Variants in ITGB4 observed in about 807,000 individuals in gnomAD.
ITGB4 encodes integrin subunit beta 4, also known as integrin beta-4.
Under a neutral mutation model 207.6 loss-of-function variants are expected in ITGB4, and 159 were observed. The observed-to-expected ratio is 0.77, with a 90% CI of 0.67 to 0.87. ITGB4 has a LOEUF of 0.87. Ranked by LOEUF, ITGB4 falls within the 40% of genes least tolerant of loss-of-function variation. The pLI is 0.00. For missense variants in ITGB4, 2,278 were observed against 2,546.8 expected (o/e 0.89, Z 2.27); for synonymous variants, 1,020 against 1,062.7 (o/e 0.96, Z 0.78).
chr17:75,745,544 G>T (rs2061214233), intron 26 of ITGB4, among the ~76,000 whole-genome samples: 2 of 151,938 alleles, frequency 1.3e-5, no homozygotes, highest in Non-Finnish European at 2.9e-5. Context: ...GGCCAGCTTG[G>T]GCAACATAGT....
chr17:75,731,226 C>T lies in ITGB4; in HGVS notation c.1093-20C>T. The T allele has an allele frequency of 6.2e-7, 1 of 1,613,198 alleles. No individual in the cohort carries two copies. Among genetic ancestry groups the T allele is most frequent in the Non-Finnish European group, 8.5e-7 (1 of 1,180,020 alleles). On this transcript the variant is annotated intron_variant, in intron 9 of 39. Transcript: ENST00000200181. The surrounding 1 kb of genome is among the most constrained non-coding windows in gnomAD (Gnocchi z 6.8). Reference sequence around the variant, plus strand: ...CAGAGGCCCCCCACAGAGCACTGATCAACCTCCTTCCTCCTTTAGCGGATC... The same window carrying T: ...CAGAGGCCCCCCACAGAGCACTGATTAACCTCCTTCCTCCTTTAGCGGATC...
Position 75,739,752 on chromosome 17 carries a change from T to C in ITGB4, c.2254+47T>C, listed in dbSNP as rs1040049942. 5 of 1,612,844 alleles carry C rather than the reference T, an allele frequency of 3.1e-6. No homozygotes were observed. The African/African-American group carries it at 6.7e-5, about 22-fold the overall frequency. ...GGCAGCAGGGGCTCTGACTGCTCTT[T>C]CTCTGAGCTGGGGTGGAGGGAAGCT... On this transcript the variant is annotated intron_variant, in intron 19 of 39. Transcript: ENST00000200181. This position sits in a 1 kb window ranked among gnomAD's most constrained non-coding sequence, Gnocchi z 5.4.
rs1341000994 is a variant in ITGB4 at position 75,742,708 on chromosome 17, G to A, written c.2909G>A (p.Gly970Asp). 2 of 1,613,668 alleles carry A rather than the reference G, an allele frequency of 1.2e-6. No individual in the cohort carries two copies. The highest frequency in any genetic ancestry group is 1.7e-6 in the Non-Finnish European group (2 of 1,180,024). ...GTGGAGGCCATCGACGTGCCCGCAG[G>A]CACTGCCACCCTCGGCCGCCGCCTG... ...LLVEAIDVPAGTATLGRRLVN... is the reference protein window; with the variant it reads ...LLVEAIDVPADTATLGRRLVN... The change falls in exon 25 of 40, where the codon GGC becomes GAC. Residue 970 changes from glycine to aspartate, a missense_variant. Gly to Asp is a moderately conservative substitution (Grantham distance 94). Transcript: ENST00000200181. This position sits in a 1 kb window ranked among gnomAD's most constrained non-coding sequence, Gnocchi z 5.9.
chr17:75,755,218 T>C, intron 34 of ITGB4: 1 of 1,599,456 alleles, frequency 6.3e-7, no homozygotes, highest in Middle Eastern at 2.2e-4. Context: ...GCCCAGGTAG[T>C]ACAGGGGTGG....
chr17:75,731,502 G>T lies in ITGB4; in HGVS notation c.1215+134G>T, dbSNP rs777157773. On this transcript the variant is annotated intron_variant, in intron 10 of 39. Coordinates refer to ENST00000200181, the MANE Select transcript of ITGB4 (RefSeq NM_000213.5). The surrounding 1 kb of genome is among the most constrained non-coding windows in gnomAD (Gnocchi z 6.8). ...TGGGTGCAGATCCCTGGGCCTAGCC[G>T]CTCGGATGAGCCTAGGTTGCTCCTC... is the stretch of plus-strand genomic sequence containing the variant. The T allele has an allele frequency of 3.2e-6, 3 of 932,662 alleles. No individual in the cohort carries two copies. Among genetic ancestry groups the T allele is most frequent in the Non-Finnish European group, 4.8e-6 (3 of 622,006 alleles). 57.8% of individuals were successfully genotyped at this position (932,662 alleles called of 1,614,324 possible).
Position 75,731,743 on chromosome 17 carries a change from CTT to C in ITGB4, c.1216-68_1216-67del. ...TCCTAGGAACTTGGGGGCCGAGGGC[CTT>C]CAGGCATCGATGGCCCCCTGGTCCT... is the stretch of plus-strand genomic sequence containing the variant. On this transcript the variant is annotated intron_variant, in intron 10 of 39. Transcript: ENST00000200181. This position sits in a 1 kb window ranked among gnomAD's most constrained non-coding sequence, Gnocchi z 6.8. The C allele has an allele frequency of 6.7e-7, 1 of 1,489,158 alleles. No homozygotes were observed. The highest frequency in any genetic ancestry group is 9.0e-7 in the Non-Finnish European group (1 of 1,110,384). 92.2% of individuals were successfully genotyped at this position (1,489,158 alleles called of 1,614,324 possible).
At chr17:75,737,894 A>C (rs2061018360) in intron 18 of ITGB4, among the ~76,000 whole-genome samples, 1 of 148,800 alleles carries the variant, frequency 6.7e-6, no homozygotes, top group South Asian at 2.1e-4. Flanking sequence ...CCCCTCTCTG[A>C]CAGGGTCTCC....
rs771030980 is a variant in ITGB4, at chr17:75,739,885, A to G, written c.2260A>G (p.Met754Val). The stretch of plus-strand genomic sequence containing the variant: ...CTGAGGACCCCATCCTGCAGGTCAC[A>G]TGGTGGGCTTTAAGGAAGACCACTA... ...ALLPCCNRGH[M>V]VGFKEDHYML... The change falls in exon 20 of 40, where the codon ATG (methionine) becomes GTG (valine). Residue 754 changes from methionine (M) to valine (V), a missense_variant. Transcript: ENST00000200181. This position sits in a 1 kb window ranked among gnomAD's most constrained non-coding sequence, Gnocchi z 5.4. 4 of 1,613,594 alleles carry G rather than the reference A, an allele frequency of 2.5e-6. No individual in the cohort carries two copies. In the East Asian group the frequency reaches 6.7e-5, roughly 27 times the overall value.
Position 75,740,342 on chromosome 17 carries a change from C to G in ITGB4, c.2447-16C>G. ...TGACCACCTCCATCTCACCCCCTCC[C>G]ACCGCCTTTCCTTAGTGCCCTACGG... On this transcript the variant is annotated splice_polypyrimidine_tract_variant and intron_variant, in intron 20 of 39. Coordinates refer to ENST00000200181, the MANE Select transcript of ITGB4 (RefSeq NM_000213.5). This position sits in a 1 kb window ranked among gnomAD's most constrained non-coding sequence, Gnocchi z 5.9. The G allele has an allele frequency of 6.2e-7, 1 of 1,606,766 alleles. No individual in the cohort carries two copies. Among genetic ancestry groups the G allele is most frequent in the Non-Finnish European group, 8.5e-7 (1 of 1,175,598 alleles).
At chr17:75,755,574 T>G in intron 34 of ITGB4, 127 bp from the exon 35 acceptor site, 1 of 1,208,480 alleles carries the variant, frequency 8.3e-7, no homozygotes, top group Non-Finnish European at 1.2e-6. Context: ...GCAGGGTGAG[T>G]GAGTTGTCCA....
At chr17:75,743,576 C>T (rs2061165385) in intron 25 of ITGB4, 137 bp from the exon 26 acceptor site, 1 of 1,192,510 alleles carries the variant, frequency 8.4e-7, no homozygotes, top group Non-Finnish European at 1.2e-6. Flanking sequence ...CTCCTGTGCC[C>T]TTCCCAGAGG....
In ITGB4 at chr17:75,757,704, G is replaced by A; in HGVS notation, c.*149G>A. 8.9e-7 allele frequency: 1 copy of A among 1,123,376 alleles called. No individual in the cohort carries two copies. Among genetic ancestry groups the A allele is most frequent in the Non-Finnish European group, 1.3e-6 (1 of 759,884 alleles). 69.6% of individuals were successfully genotyped at this position (1,123,376 alleles called of 1,614,324 possible). A position where few individuals can be genotyped will look rare whatever the true frequency, so the allele number is the denominator to read the frequency against. On this transcript the variant is annotated 3_prime_UTR_variant, in exon 40 of 40. Coordinates refer to ENST00000200181, the MANE Select transcript of ITGB4 (RefSeq NM_000213.5). ...GGGCTAGGTGTCTCCTGGGAGGCATGAAGGGGGCAAGGTCCGTCCTCTGTG... is the reference window on the plus strand; with the variant it reads ...GGGCTAGGTGTCTCCTGGGAGGCATAAAGGGGGCAAGGTCCGTCCTCTGTG...
chr17:75,739,925 A>G lies in ITGB4; in HGVS notation c.2300A>G (p.Asn767Ser). The change falls in exon 20 of 40, where the codon AAC becomes AGC. Residue 767 changes from asparagine (N) to serine (S), a missense_variant. By Grantham distance (46) the Asn-to-Ser change is conservative. Coordinates refer to ENST00000200181, the MANE Select transcript of ITGB4 (RefSeq NM_000213.5). This position sits in a 1 kb window ranked among gnomAD's most constrained non-coding sequence, Gnocchi z 5.4. ...FKEDHYMLRE[N>S]LMASDHLDTP... ...GAAGACCACTACATGCTGCGGGAGA[A>G]CCTGATGGCCTCTGACCACTTGGAC... 6.2e-7 allele frequency: 1 copy of G among 1,613,368 alleles called. No individual in the cohort carries two copies. The highest frequency in any genetic ancestry group is 1.1e-5 in the South Asian group (1 of 91,084).
chr17:75,750,531 T>A lies in ITGB4; in HGVS notation c.3475-149T>A, dbSNP rs2061343702. On this transcript the variant is annotated intron_variant, in intron 28 of 39. Coordinates refer to ENST00000200181, the MANE Select transcript of ITGB4 (RefSeq NM_000213.5). The surrounding 1 kb of genome is among the most constrained non-coding windows in gnomAD (Gnocchi z 5.5). The stretch of plus-strand genomic sequence containing the variant: ...GATACCCCCACCTGCTCTGCCCTAG[T>A]CCTGACGTGTGCACATGGCAGATCT... The A allele has an allele frequency of 4.7e-6, 4 of 845,630 alleles. No homozygotes were observed. In the East Asian group the frequency reaches 1.1e-4, roughly 22 times the overall value. 52.4% of individuals were successfully genotyped at this position (845,630 alleles called of 1,614,324 possible). A position where few individuals can be genotyped will look rare whatever the true frequency, so the allele number is the denominator to read the frequency against.
intron 26 of ITGB4, among the ~76,000 whole-genome samples, chr17:75,744,428 C>G (rs1280811409): frequency 6.6e-6 from 1 of 151,428 alleles, no homozygotes; most frequent in African/African-American, 2.4e-5. Context: ...CCCAAGAGGG[C>G]TCTTTCTTCC....
At position 75,749,042 on chromosome 17, in the gene ITGB4, C is replaced by G. The variant is rs777991551; in HGVS notation, c.3313C>G (p.Pro1105Ala). ...PHSTTIIIRD[P>A]DELDRSFTSQ... is the part of the protein sequence containing the mutation. Reference sequence around the variant, plus strand: ...CTCCACCACCATCATCATCAGGGACCCAGGTAGGCAGAGCCTGGGGGTCGG... The same window carrying G: ...CTCCACCACCATCATCATCAGGGACGCAGGTAGGCAGAGCCTGGGGGTCGG... The change falls in exon 27 of 40, where the codon CCA becomes GCA. Residue 1105 changes from proline to alanine, a missense_variant. Coordinates refer to ENST00000200181, the MANE Select transcript of ITGB4 (RefSeq NM_000213.5). The G allele has an allele frequency of 1.2e-6, 2 of 1,610,062 alleles. No individual in the cohort carries two copies. The highest frequency in any genetic ancestry group is 4.5e-5 in the East Asian group (2 of 44,858).
chr17:75,725,380 G>A (rs1446917815), intron 2 of ITGB4, among the ~76,000 whole-genome samples: 4 of 152,182 alleles, frequency 2.6e-5, no homozygotes, highest in East Asian at 1.9e-4. Flanking sequence ...TGATGCCATC[G>A]TGGCTCACTG....
rs754567376 is a variant in ITGB4 at position 75,730,447 on chromosome 17, C to G, written c.945C>G (p.Ala315=). The part of the protein sequence containing the change: ...PSVPTLVRLL[A]KHNIIPIFAV... ...TGCCCACCCTGGTGCGCCTGCTCGC[C>G]AAGCACAACATCATCCCCATCTTTG... The change falls in exon 8 of 40, where the codon GCC becomes GCG. Residue 315 remains alanine (A), a synonymous_variant. Transcript: ENST00000200181. The G allele has an allele frequency of 6.2e-7, 1 of 1,614,116 alleles. No homozygotes were observed.
rs547311866 is a variant in ITGB4, at chr17:75,729,914, C to T, written c.739-327C>T. 2.2e-4 allele frequency among the ~76,000 whole-genome samples: 34 copies of T among 152,272 alleles called. No individual in the cohort carries two copies. Among genetic ancestry groups the T allele is most frequent in the African/African-American group, 7.9e-4 (33 of 41,544 alleles). On this transcript the variant is annotated intron_variant, in intron 7 of 39. Coordinates refer to ENST00000200181, the MANE Select transcript of ITGB4 (RefSeq NM_000213.5). This position sits in a 1 kb window ranked among gnomAD's most constrained non-coding sequence, Gnocchi z 4.4. ...ATCCCAGCACTTTGGGAGGCCGAGGCGGGGGGATTGCTTGAATTCAGGATT... is the reference window on the plus strand; with the variant it reads ...ATCCCAGCACTTTGGGAGGCCGAGGTGGGGGGATTGCTTGAATTCAGGATT...
Sources: gnomAD v4.1 joint callset for allele counts (sites outside exome capture counted in the v4.1 genomes callset) on GRCh38, gnomAD v4.1.1 for gene constraint, Gnocchi (gnomAD v3.1) non-coding constraint, MANE v1.5 for transcripts, NCBI Gene and HGNC (gene_info 2026-07-23, HGNC 2026-07-21) for gene names.